Variants in KIF25 observed in about 807,000 individuals in gnomAD.
The protein encoded by KIF25 is kinesin family member 25, also known as kinesin-like protein KIF25.
KIF25 carries 19 observed loss-of-function variants against 32.9 expected under a neutral mutation model. The ratio of observed to expected loss-of-function variants is 0.58; its 90% CI spans 0.40 to 0.85. The LOEUF is 0.85. Ranked by LOEUF, KIF25 falls within the 40% of genes least tolerant of loss-of-function variation. KIF25 has a pLI of 0.00. For synonymous variants in KIF25, 225 were observed against 213.7 expected, an observed-to-expected ratio of 1.05 and a Z score of -0.46; for missense variants, 485 against 507.0, an observed-to-expected ratio of 0.96 and a Z score of 0.42.
intron 3 of KIF25, among the ~76,000 whole-genome samples, chr6:168,002,886 G>A (rs1162976200): frequency 1.3e-5 from 2 of 152,208 alleles, no homozygotes; most frequent in African/African-American, 2.4e-5. Flanking sequence ...AGGCATCAGA[G>A]TCTCATAAGG....
intron 4 of KIF25, among the ~76,000 whole-genome samples, chr6:168,013,181 G>A (rs182315229): frequency 1.3e-5 from 2 of 151,990 alleles, no homozygotes; most frequent in East Asian, 1.9e-4. Context: ...CTGGCCTGGA[G>A]GTGTATTAGC....
intron 5 of KIF25, among the ~76,000 whole-genome samples, chr6:168,025,748 G>T (rs2114892401): frequency 6.6e-6 from 1 of 152,344 alleles, no homozygotes; most frequent in Non-Finnish European, 1.5e-5. Context: ...GCTTAGCACA[G>T]AGCTGCTGAG....
intron 4 of KIF25, among the ~76,000 whole-genome samples, chr6:168,014,519 G>A (rs1798688362): frequency 1.3e-5 from 2 of 152,166 alleles, no homozygotes; most frequent in African/African-American, 4.8e-5. Context: ...GTTCATTGAA[G>A]GGCTTCATGC....
intron 10 of KIF25, 69 bp downstream of exon 10, chr6:168,040,285 G>T: frequency 1.1e-5 from 17 of 1,486,860 alleles, no homozygotes; most frequent in Non-Finnish European, 1.4e-5. Context: ...AAAAAATCAG[G>T]CCAGGCACAG....
At chr6:168,020,710 A>G (rs536682683) in intron 5 of KIF25, among the ~76,000 whole-genome samples, 4 of 152,338 alleles carry the variant, frequency 2.6e-5, no homozygotes, top group African/African-American at 9.6e-5. Context: ...AGACAATAAC[A>G]AGCTAGAGAT....
At chr6:168,029,922 A>C (rs9455936) in intron 6 of KIF25, among the ~76,000 whole-genome samples, 42,112 of 152,002 alleles carry the variant, frequency 0.28, 6,163 homozygotes, top group East Asian at 0.5. Context: ...CTGGAGGCGA[A>C]GTGGATCAAC....
At chr6:168,006,462 A>G (rs551359017) in intron 4 of KIF25, among the ~76,000 whole-genome samples, 2 of 152,332 alleles carry the variant, frequency 1.3e-5, no homozygotes, top group South Asian at 4.1e-4. Flanking sequence ...TGGGTTTTGC[A>G]GGAGTGTCTG....
At chr6:168,000,325 A>C (rs1171343882) in intron 2 of KIF25, among the ~76,000 whole-genome samples, 3 of 55,468 alleles carry the variant, frequency 5.4e-5, no homozygotes, top group African/African-American at 7.3e-5. Flanking sequence ...GCCCCTCCCC[A>C]CTCCCATCCT....
At chr6:168,042,737 GCCCCAGGATGGGGGACCACGTA>G (rs1304732054) in intron 12 of KIF25, 21 bp downstream of exon 12, 1 of 1,599,360 alleles carries the variant, frequency 6.3e-7, no homozygotes, top group Non-Finnish European at 8.5e-7. Context: ...TCCCCAAAAT[GCCCCAGGATGGGGGACCACGTA>G]CCCCAGGACA....
At chr6:168,010,928 C>T (rs1798639504) in intron 4 of KIF25, among the ~76,000 whole-genome samples, 2 of 152,038 alleles carry the variant, frequency 1.3e-5, no homozygotes, top group South Asian at 2.1e-4. Flanking sequence ...AAGGCTACTC[C>T]TGATTGCTTT....
At chr6:168,034,547 C>T (rs1353605232) in intron 8 of KIF25, among the ~76,000 whole-genome samples, 1 of 152,120 alleles carries the variant, frequency 6.6e-6, no homozygotes, top group Non-Finnish European at 1.5e-5. Context: ...GCATGAGTCT[C>T]CCTGCCTGGC....
intron 4 of KIF25, among the ~76,000 whole-genome samples, chr6:168,004,350 A>T (rs2114866373): frequency 6.6e-6 from 1 of 152,320 alleles, no homozygotes; most frequent in South Asian, 2.1e-4. Flanking sequence ...GGGATTAAGG[A>T]GGGACTAAAG....
chr6:168,014,158 G>A (rs1352617493), intron 4 of KIF25, among the ~76,000 whole-genome samples: 1 of 152,156 alleles, frequency 6.6e-6, no homozygotes, highest in Non-Finnish European at 1.5e-5. Context: ...TGAACACACA[G>A]AGTATTTGTG....
chr6:168,033,805 T>C, intron 7 of KIF25, 77 bp from the exon 8 acceptor site: 1 of 1,494,032 alleles, frequency 6.7e-7, no homozygotes, highest in South Asian at 1.2e-5. Flanking sequence ...AAGTTTCTCA[T>C]ACAAGTGAAA....
At chr6:168,006,227 A>T (rs1182900292) in intron 4 of KIF25, among the ~76,000 whole-genome samples, 67 of 145,184 alleles carry the variant, frequency 4.6e-4, no homozygotes, top group Non-Finnish European at 8.3e-4. Flanking sequence ...TTTTTTAGCG[A>T]TGGGGGGGTC....
intron 9 of KIF25, among the ~76,000 whole-genome samples, chr6:168,039,322 A>C (rs1021751364): frequency 2.0e-5 from 3 of 152,248 alleles, no homozygotes; most frequent in Non-Finnish European, 4.4e-5. Flanking sequence ...AGTATTTCAC[A>C]GAATATGATA....
At chr6:168,017,204 C>CACAG (rs3840545) in intron 4 of KIF25, among the ~76,000 whole-genome samples, 55,719 of 151,704 alleles carry the variant, frequency 0.37, 10,408 homozygotes, top group South Asian at 0.43. Context: ...CACACACACA[C>CACAG]AGACACACAC....
intron 4 of KIF25, among the ~76,000 whole-genome samples, chr6:168,012,915 G>T (rs1191441534): frequency 6.6e-6 from 1 of 152,124 alleles, no homozygotes; most frequent in Non-Finnish European, 1.5e-5. Context: ...CTGTTTCGTG[G>T]GTTTGGAGTA....
intron 2 of KIF25, among the ~76,000 whole-genome samples, chr6:168,001,651 G>A (rs371410218): frequency 9.4e-5 from 10 of 106,898 alleles, no homozygotes; most frequent in South Asian, 3.3e-4. Context: ...CTTCAGGCGT[G>A]GCCTCGGGCA....
Sources: allele counts gnomAD v4.1 joint callset (sites outside exome capture counted in the v4.1 genomes callset), GRCh38; gene constraint gnomAD v4.1.1; transcripts MANE v1.5; gene names NCBI Gene and HGNC (gene_info 2026-07-23, HGNC 2026-07-21).